Variants in AMY2B observed in about 807,000 individuals in gnomAD.
AMY2B encodes the protein amylase alpha 2B, also known as alpha-amylase 2B.
A neutral mutation model predicts 59.3 loss-of-function variants in AMY2B; 63 were observed. That is an observed-to-expected ratio of 1.06 (90% CI 0.87 to 1.31). AMY2B has a LOEUF of 1.31. Among genes scored for constraint, AMY2B ranks in the 50% most tolerant of loss-of-function variants. AMY2B has a pLI of 0.00. For synonymous variants in AMY2B, 180 were observed against 198.1 expected, an observed-to-expected ratio of 0.91 and a Z score of 0.77; for missense variants, 635 against 626.7, an observed-to-expected ratio of 1.01 and a Z score of -0.14.
At chr1:103,562,676 T>C (rs1570637658) in intron 1 of AMY2B, among the ~76,000 whole-genome samples, 1 of 150,924 alleles carries the variant, frequency 6.6e-6, no homozygotes, top group Non-Finnish European at 1.5e-5. Flanking sequence ...ACTTGTCTTT[T>C]TTTTTTTTTT....
Position 103,577,482 on chromosome 1 carries a change from T to C in AMY2B, c.1102-8T>C. The C allele has an allele frequency of 6.2e-7, 1 of 1,611,666 alleles. No individual in the cohort carries two copies. The highest frequency in any genetic ancestry group is 8.5e-7 in the Non-Finnish European group (1 of 1,179,574). On this transcript the variant is annotated splice_polypyrimidine_tract_variant and splice_region_variant and intron_variant, in intron 7 of 9. Coordinates refer to ENST00000684275, the MANE Select transcript of AMY2B (RefSeq NM_001387437.1). ...TGTTAAAATTTGGCTTTTCACCCCC[T>C]AATTAAGGATGTTAATGATTGGGTT... is the stretch of plus-strand genomic sequence containing the variant.
At chr1:103,575,138 C>A in intron 5 of AMY2B, 85 bp from the exon 6 acceptor site, 1 of 1,577,506 alleles carries the variant, frequency 6.3e-7, no homozygotes, top group Non-Finnish European at 8.6e-7. Context: ...AGATGCCATG[C>A]CATGCAGAAA....
rs1237330137 is a variant in AMY2B, at chr1:103,571,977, G to A, written c.169-133G>A. The A allele has an allele frequency of 7.1e-6, 11 of 1,545,214 alleles. No individual in the cohort carries two copies. The Admixed American group carries it at 1.8e-4, about 26-fold the overall frequency. On this transcript the variant is annotated intron_variant, in intron 1 of 9. Transcript: ENST00000684275. Reference sequence around the variant, plus strand: ...CTTTCTTCAACAAGAGCCCTCCAATGTGCTGTTAATATTTTCAAGAGATAG... The same window carrying A: ...CTTTCTTCAACAAGAGCCCTCCAATATGCTGTTAATATTTTCAAGAGATAG...
chr1:103,569,699 G>A (rs1652044534), upstream of AMY2B: 1 of 401,812 alleles, frequency 2.5e-6, no homozygotes, highest in Non-Finnish European at 5.0e-6. Context: ...ATGGGCCAGA[G>A]GGACTCCTAT....
intron 1 of AMY2B, among the ~76,000 whole-genome samples, chr1:103,562,320 G>C (rs1415724631): frequency 1.3e-5 from 2 of 152,124 alleles, no homozygotes; most frequent in Non-Finnish European, 2.9e-5. Context: ...GATCTGTTAG[G>C]CAAACTTGAT....
intron 7 of AMY2B, among the ~76,000 whole-genome samples, chr1:103,576,166 T>C (rs763112983): frequency 6.6e-6 from 1 of 152,160 alleles, no homozygotes; most frequent in Non-Finnish European, 1.5e-5. Flanking sequence ...AGTGTACAGA[T>C]ATTTGGAAAG....
exon 2 of AMY2B, chr1:103,565,485 TAC>T (rs1235657377): frequency 1.3e-5 from 2 of 152,292 alleles, no homozygotes; most frequent in Non-Finnish European, 2.9e-5. Context: ...GCTGACTATA[TAC>T]ACCATGTTTT....
At chr1:103,560,820 A>T (rs1557765480) in intron 1 of AMY2B, among the ~76,000 whole-genome samples, 1 of 152,114 alleles carries the variant, frequency 6.6e-6, no homozygotes, top group Non-Finnish European at 1.5e-5. Context: ...GTTTTAAAAT[A>T]TTTTCATATA....
At position 103,571,723 on chromosome 1, in the gene AMY2B, C is replaced by T. The variant is rs757336456; in HGVS notation, c.121C>T (p.Leu41Phe). 6.2e-7 allele frequency: 1 copy of T among 1,611,886 alleles called. No homozygotes were observed. Among genetic ancestry groups the T allele is most frequent in the Non-Finnish European group, 8.5e-7 (1 of 1,179,808 alleles). ...TGAATGGCGATGGGTTGATATTGCTCTTGAATGTGAGCGATATTTAGCTCC... is the reference window on the plus strand; with the variant it reads ...TGAATGGCGATGGGTTGATATTGCTTTTGAATGTGAGCGATATTTAGCTCC... ...LFEWRWVDIA[L>F]ECERYLAPKG... is the part of the protein sequence containing the mutation. Residue 41 changes from leucine to phenylalanine, a missense_variant, in exon 1 of 10, where the codon CTT (leucine) becomes TTT (phenylalanine). Physicochemically the swap from Leu to Phe is conservative, Grantham distance 22. Coordinates refer to ENST00000684275, the MANE Select transcript of AMY2B (RefSeq NM_001387437.1).
Position 103,573,832 on chromosome 1 carries a change from C to G in AMY2B, c.638C>G (p.Ala213Gly). ...GGTGTTGCAGGGTTCAGACTTGATG[C>G]TTCCAAGCACATGTGGCCTGGAGAC... ...DIGVAGFRLDASKHMWPGDIK... is the reference protein window; with the variant it reads ...DIGVAGFRLDGSKHMWPGDIK... Residue 213 changes from alanine (A) to glycine (G), a missense_variant, in exon 4 of 10, where the codon GCT becomes GGT. By Grantham distance (60) the Ala-to-Gly change is moderately conservative. Transcript: ENST00000684275. The G allele has an allele frequency of 6.2e-7, 1 of 1,613,878 alleles. No homozygotes were observed. The highest frequency in any genetic ancestry group is 1.1e-5 in the South Asian group (1 of 91,076).
chr1:103,560,383 T>C (rs1332612442), intron 1 of AMY2B, among the ~76,000 whole-genome samples: 1 of 152,180 alleles, frequency 6.6e-6, no homozygotes, highest in African/African-American at 2.4e-5. Flanking sequence ...TGTCCAATAC[T>C]AATAAAGCCT....
intron 1 of AMY2B, among the ~76,000 whole-genome samples, chr1:103,560,515 A>G (rs1415037512): frequency 6.6e-6 from 1 of 152,066 alleles, no homozygotes; most frequent in Middle Eastern, 3.2e-3. Context: ...CATTTAATCA[A>G]TTTACATTGA....
upstream of AMY2B, chr1:103,570,469 G>C: frequency 1.4e-6 from 1 of 702,322 alleles, no homozygotes; most frequent in Non-Finnish European, 2.6e-6. Context: ...ATGTACCCAG[G>C]CATCACCGAC....
chr1:103,562,167 C>CA (rs1651754188), intron 1 of AMY2B: 2 of 152,132 alleles, frequency 1.3e-5, no homozygotes, highest in Non-Finnish European at 2.9e-5. Context: ...TAAGTGGTTT[C>CA]TGTCACATGA....
chr1:103,561,336 C>T (rs369613181), intron 1 of AMY2B, among the ~76,000 whole-genome samples: 1 of 152,078 alleles, frequency 6.6e-6, no homozygotes, highest in Non-Finnish European at 1.5e-5. Context: ...GGCGCAGTCT[C>T]GGCTCACTGC....
chr1:103,557,141 T>TGC lies in AMY2B; in HGVS notation c.-207+2041_-207+2042dup, dbSNP rs755429064. On this transcript the variant is annotated intron_variant, in intron 1 of 11. Coordinates refer to the AMY2B transcript ENST00000361355. ...AAAGCTAATAGGAAATCTTAAAGCGTGCGCGCGCGCACACACACACACACA... is the reference window on the plus strand; with the variant it reads ...AAAGCTAATAGGAAATCTTAAAGCGTGCGCGCGCGCGCACACACACACACACA... 5.4e-3 allele frequency among the ~76,000 whole-genome samples: 811 copies of TGC among 150,556 alleles called. 3 individuals are homozygous for TGC. The highest frequency in any genetic ancestry group is 0.014 in the Middle Eastern group (4 of 290).
Position 103,575,289 on chromosome 1 carries a change from C to A in AMY2B, c.945C>A (p.Asp315Glu). The change falls in exon 6 of 10, where the codon GAC (aspartate) becomes GAA (glutamate). Residue 315 changes from aspartate (D) to glutamate (E), a missense_variant. Transcript: ENST00000684275. The part of the protein sequence containing the change: ...DRALVFVDNH[D>E]NQRGHGAGGA... Reference sequence around the variant, plus strand: ...CACTTGTCTTTGTGGATAACCATGACAATCAACGAGGACATGGGGCTGGAG... The same window carrying A: ...CACTTGTCTTTGTGGATAACCATGAAAATCAACGAGGACATGGGGCTGGAG... The A allele has an allele frequency of 6.2e-7, 1 of 1,613,638 alleles. No homozygotes were observed. Among genetic ancestry groups the A allele is most frequent in the African/African-American group, 1.3e-5 (1 of 75,004 alleles).
chr1:103,577,068 T>C (rs1022047144), intron 7 of AMY2B, among the ~76,000 whole-genome samples: 3 of 152,128 alleles, frequency 2.0e-5, no homozygotes, highest in Non-Finnish European at 4.4e-5. Context: ...GACCTCGTCT[T>C]TACTGAAAAT....
chr1:103,563,268 G>A (rs189198382), intron 1 of AMY2B, among the ~76,000 whole-genome samples: 102 of 152,118 alleles, frequency 6.7e-4, no homozygotes, highest in African/African-American at 2.2e-3. Context: ...GATAGTAACC[G>A]TTAGAGCTTT....
Sources: allele counts gnomAD v4.1 joint callset (sites outside exome capture counted in the v4.1 genomes callset), GRCh38; gene constraint gnomAD v4.1.1; transcripts MANE v1.5; gene names NCBI Gene and HGNC (gene_info 2026-07-23, HGNC 2026-07-21).